Variants in CLOCK observed in about 807,000 individuals in gnomAD.
CLOCK encodes circadian locomoter output cycles protein kaput.
In CLOCK, 43 loss-of-function variants were observed where a neutral mutation model predicts 118.4. The observed-to-expected ratio is 0.36, with a 90% CI of 0.28 to 0.47. The LOEUF (loss-of-function observed/expected upper bound fraction) is 0.47. Ranked by LOEUF, CLOCK falls within the 20% of genes least tolerant of loss-of-function variation. The pLI is 1.00. For synonymous variants in CLOCK, 326 were observed against 339.2 expected (o/e 0.96, Z 0.43); for missense variants, 846 against 999.9 (o/e 0.85, Z 2.08).
chr4:55,448,894 G>T (rs1261502298), intron 17 of CLOCK, 26 bp from the exon 18 acceptor site: 3 of 1,530,214 alleles, frequency 2.0e-6, no homozygotes, highest in South Asian at 1.1e-5. Context: ...AAATAACACT[G>T]AAGTGATTCT....
chr4:55,488,489 GT>G (rs1326187698), intron 3 of CLOCK, among the ~76,000 whole-genome samples: 1 of 152,106 alleles, frequency 6.6e-6, no homozygotes, highest in East Asian at 1.9e-4. Flanking sequence ...TTCTCTCCCA[GT>G]TTTTTCCCCC....
intron 8 of CLOCK, among the ~76,000 whole-genome samples, chr4:55,467,393 T>G (rs889794290): frequency 1.6e-4 from 25 of 152,158 alleles, no homozygotes; most frequent in Non-Finnish European, 3.1e-4. Flanking sequence ...ACAACTACCA[T>G]AACTATCCAA....
At chr4:55,476,378 T>G (rs1033069195) in intron 6 of CLOCK, among the ~76,000 whole-genome samples, 1 of 152,182 alleles carries the variant, frequency 6.6e-6, no homozygotes, top group African/African-American at 2.4e-5. Context: ...TCCAAGAATT[T>G]TGAAGCAATT....
chr4:55,454,431 A>G (rs1446399249), intron 13 of CLOCK, among the ~76,000 whole-genome samples: 1 of 151,956 alleles, frequency 6.6e-6, no homozygotes, highest in East Asian at 1.9e-4. Flanking sequence ...CCTGGCTCAC[A>G]TAGTGAAACC....
At chr4:55,445,577 A>G (rs1577686318) in intron 18 of CLOCK, among the ~76,000 whole-genome samples, 1 of 72,922 alleles carries the variant, frequency 1.4e-5, no homozygotes, top group East Asian at 6.1e-4. Context: ...TGCTATTTCT[A>G]TATTCTTTTT....
chr4:55,460,771 A>G (rs1357240966), intron 9 of CLOCK, among the ~76,000 whole-genome samples: 1 of 152,188 alleles, frequency 6.6e-6, no homozygotes, highest in African/African-American at 2.4e-5. Context: ...TTCTTCGGTT[A>G]TTATCATCAT....
At position 55,492,357 on chromosome 4, in the gene CLOCK, T is replaced by TTA. The variant is rs1553898596; in HGVS notation, c.-135-2893_-135-2892insTA. Among the ~76,000 whole-genome samples, 10 of 141,810 alleles carry TTA rather than the reference T, an allele frequency of 7.1e-5. No homozygotes were observed. The South Asian group carries it at 2.2e-3, about 31-fold the overall frequency. 93.0% of individuals were successfully genotyped at this position (141,810 alleles called of 152,430 possible). On this transcript the variant is annotated intron_variant, in intron 2 of 22. Coordinates refer to ENST00000513440, the MANE Select transcript of CLOCK (RefSeq NM_004898.4). ...AACAAAATCCAACACCTATTCATGATAAAAAAAAAAAACGCCATTCAACAA... is the reference window on the plus strand; with the variant it reads ...AACAAAATCCAACACCTATTCATGATTAAAAAAAAAAAAACGCCATTCAACAA...
chr4:55,519,114 C>G (rs1487514051), intron 1 of CLOCK, among the ~76,000 whole-genome samples: 2 of 152,002 alleles, frequency 1.3e-5, no homozygotes, highest in Non-Finnish European at 2.9e-5. Flanking sequence ...TGCAATGGAG[C>G]AATCATAATT....
intron 9 of CLOCK, 77 bp downstream of exon 9, chr4:55,463,608 T>C: frequency 6.7e-7 from 1 of 1,493,194 alleles, no homozygotes. Context: ...AAGAAGTCTG[T>C]ATTTTTCATA....
chr4:55,542,288 G>A (rs999593511), intron 1 of CLOCK, among the ~76,000 whole-genome samples: 1 of 150,458 alleles, frequency 6.6e-6, no homozygotes, highest in Non-Finnish European at 1.5e-5. Flanking sequence ...AGGTTGCAGT[G>A]AGCTGAGATC....
intron 9 of CLOCK, among the ~76,000 whole-genome samples, chr4:55,460,344 C>T (rs970552388): frequency 3.9e-5 from 6 of 152,208 alleles, no homozygotes; most frequent in Non-Finnish European, 7.3e-5. Flanking sequence ...TTACGTGAGA[C>T]AAAGTTACCT....
chr4:55,495,949 G>C (rs575921132), intron 2 of CLOCK, among the ~76,000 whole-genome samples: 1 of 152,238 alleles, frequency 6.6e-6, no homozygotes, highest in South Asian at 2.1e-4. Flanking sequence ...AGCACTTTGG[G>C]AGGTCAAGGT....
At chr4:55,541,941 TC>T (rs1192867014) in intron 1 of CLOCK, among the ~76,000 whole-genome samples, 1 of 110,832 alleles carries the variant, frequency 9.0e-6, no homozygotes, top group Non-Finnish European at 1.9e-5. Flanking sequence ...CCCATGCCTC[TC>T]CCCCCACCAA....
chr4:55,430,331 A>C lies in CLOCK; in HGVS notation c.*5084T>G, dbSNP rs1722416316. ...TTACAAAATACTGTTATAAACACTCACAACAAAACCTGCAGAGTATTTTAT... is the reference window on the plus strand; with the variant it reads ...TTACAAAATACTGTTATAAACACTCCCAACAAAACCTGCAGAGTATTTTAT... On this transcript the variant is annotated 3_prime_UTR_variant, in exon 23 of 23. Coordinates refer to ENST00000513440, the MANE Select transcript of CLOCK (RefSeq NM_004898.4). 6.6e-6 allele frequency: 1 copy of C among 152,122 alleles called. No homozygotes were observed. Among genetic ancestry groups the C allele is most frequent in the Non-Finnish European group, 1.5e-5 (1 of 68,030 alleles). The allele number at this position is 152,122 out of a possible 1,614,324, so 9.4% of individuals were successfully genotyped here.
chr4:55,493,396 C>T (rs377325667), intron 2 of CLOCK, among the ~76,000 whole-genome samples: 2 of 152,106 alleles, frequency 1.3e-5, no homozygotes, highest in Non-Finnish European at 2.9e-5. Flanking sequence ...CGGGAACTGA[C>T]GGATCTATTA....
At chr4:55,504,112 G>C (rs556339760) in intron 2 of CLOCK, among the ~76,000 whole-genome samples, 1 of 150,000 alleles carries the variant, frequency 6.7e-6, no homozygotes, top group South Asian at 2.1e-4. Context: ...GTGAAACCCT[G>C]TCTCTACTAA....
chr4:55,505,361 T>C (rs1406109929), intron 2 of CLOCK, among the ~76,000 whole-genome samples: 2 of 151,998 alleles, frequency 1.3e-5, no homozygotes, highest in East Asian at 1.9e-4. Context: ...TGGAAATAAA[T>C]GTTAATTTGA....
chr4:55,429,176 A>G lies in CLOCK; in HGVS notation c.*6239T>C, dbSNP rs1470291052. On this transcript the variant is annotated 3_prime_UTR_variant, in exon 23 of 23. Transcript: ENST00000513440. ...TTATAAACATTTGAATGTCATTTTT[A>G]AAAGCGATGTCACAGTTTGTTTCCT... 1 of 152,218 alleles carries G rather than the reference A, an allele frequency of 6.6e-6. No homozygotes were observed. Among genetic ancestry groups the G allele is most frequent in the African/African-American group, 2.4e-5 (1 of 41,470 alleles). The allele number at this position is 152,218 out of a possible 1,614,324, so 9.4% of individuals were successfully genotyped here.
chr4:55,544,987 ATTC>A (rs996988483), intron 1 of CLOCK, among the ~76,000 whole-genome samples: 7 of 149,876 alleles, frequency 4.7e-5, no homozygotes, highest in Middle Eastern at 3.4e-3. Context: ...AAGCTTCCTT[ATTC>A]TTTTTTCATA....
Sources: gnomAD v4.1 joint callset for allele counts (sites outside exome capture counted in the v4.1 genomes callset) on GRCh38, gnomAD v4.1.1 for gene constraint, MANE v1.5 for transcripts, NCBI Gene and HGNC (gene_info 2026-07-23, HGNC 2026-07-21) for gene names.